The following GRID2 variants were observed in gnomAD, a reference collection of about 807,000 sequenced individuals.
The protein encoded by GRID2 is glutamate ionotropic receptor delta type subunit 2.
Under a neutral mutation model 114.8 loss-of-function variants are expected in GRID2, and 33 were observed. The observed-to-expected ratio is 0.29, with a 90% confidence interval of 0.22 to 0.38. GRID2 has a LOEUF of 0.38. GRID2 is among the 10% of genes least tolerant of loss of function. The probability of loss-of-function intolerance (pLI) is 1.00; values close to 1 mark genes in which losing one functional copy is unlikely to be tolerated. For synonymous variants in GRID2, 505 were observed against 449.9 expected, an observed-to-expected ratio of 1.12 and a Z score of -1.55; for missense variants, 1,184 against 1,257.7, an observed-to-expected ratio of 0.94 and a Z score of 0.89.
chr4:93,428,961 AG>A (rs1379871749), intron 10 of GRID2, among the ~76,000 whole-genome samples: 1 of 152,220 alleles, frequency 6.6e-6, no homozygotes, highest in East Asian at 1.9e-4. Flanking sequence ...AAAAGCAAAA[AG>A]AAAAAGTAAA....
intron 13 of GRID2, among the ~76,000 whole-genome samples, chr4:93,588,984 C>A (rs1737832314): frequency 6.6e-6 from 1 of 151,980 alleles, no homozygotes; most frequent in Non-Finnish European, 1.5e-5. Flanking sequence ...GAAGTCCTAG[C>A]TTTTCAGCGT....
chr4:92,883,223 C>G (rs910955415), intron 2 of GRID2, among the ~76,000 whole-genome samples: 1 of 152,178 alleles, frequency 6.6e-6, no homozygotes, highest in Non-Finnish European at 1.5e-5. Context: ...AAATCATTTT[C>G]TTTGCTCATC....
chr4:93,322,371 T>C (rs1029806828), intron 8 of GRID2, among the ~76,000 whole-genome samples: 2 of 152,180 alleles, frequency 1.3e-5, no homozygotes, highest in East Asian at 1.9e-4. Context: ...ACAAAGGACA[T>C]GAACTCATCA....
chr4:92,908,561 C>CAAAAAAAAAAAAAAAA (rs762037449), intron 2 of GRID2, among the ~76,000 whole-genome samples: 5 of 35,970 alleles, frequency 1.4e-4, no homozygotes, highest in African/African-American at 4.4e-4. Context: ...GACTCCATCT[C>CAAAAAAAAAAAAAAAA]AAAAAAAAAA....
chr4:92,918,953 A>G (rs1749060726), intron 2 of GRID2, among the ~76,000 whole-genome samples: 2 of 152,322 alleles, frequency 1.3e-5, no homozygotes, highest in Admixed American at 6.5e-5. Context: ...TACCTCTGGT[A>G]GAATTCAGCT....
At chr4:93,618,700 A>G (rs1242560012) in intron 13 of GRID2, among the ~76,000 whole-genome samples, 1 of 152,238 alleles carries the variant, frequency 6.6e-6, no homozygotes, top group African/African-American at 2.4e-5. Flanking sequence ...CTGTGAACCA[A>G]GCTTTCCTCA....
At chr4:93,627,596 G>A (rs975242885) in intron 14 of GRID2, among the ~76,000 whole-genome samples, 8 of 152,200 alleles carry the variant, frequency 5.3e-5, no homozygotes, top group Non-Finnish European at 1.2e-4. Flanking sequence ...ATTTGGTTGT[G>A]TTATGCTTCA....
At chr4:92,375,076 T>A (rs2110225622) in intron 1 of GRID2, among the ~76,000 whole-genome samples, 1 of 152,258 alleles carries the variant, frequency 6.6e-6, no homozygotes, top group East Asian at 1.9e-4. Flanking sequence ...TCCTTAGAGT[T>A]TTAAATGTGT....
intron 13 of GRID2, among the ~76,000 whole-genome samples, chr4:93,603,391 T>G (rs143794869): frequency 6.6e-6 from 1 of 152,040 alleles, no homozygotes; most frequent in African/African-American, 2.4e-5. Context: ...ATGAGAAACA[T>G]GAGAAAGCTG....
intron 1 of GRID2, among the ~76,000 whole-genome samples, chr4:92,387,784 T>C (rs1170363759): frequency 2.0e-5 from 3 of 152,042 alleles, no homozygotes; most frequent in Admixed American, 1.3e-4. Context: ...AAATTTCTTG[T>C]TATCTGTTTT....
chr4:92,687,374 T>A (rs1054622712), intron 2 of GRID2, among the ~76,000 whole-genome samples: 3 of 152,106 alleles, frequency 2.0e-5, no homozygotes, highest in African/African-American at 7.2e-5. Flanking sequence ...TATTGAAGAT[T>A]TGATTCCATA....
chr4:93,631,386 A>G (rs12641655), intron 14 of GRID2, among the ~76,000 whole-genome samples: 1 of 151,848 alleles, frequency 6.6e-6, no homozygotes, highest in African/African-American at 2.4e-5. Flanking sequence ...CTAGGACAGG[A>G]CCTGGTGTGT....
At chr4:92,772,766 A>G (rs1738603284) in intron 2 of GRID2, among the ~76,000 whole-genome samples, 1 of 152,202 alleles carries the variant, frequency 6.6e-6, no homozygotes, top group African/African-American at 2.4e-5. Flanking sequence ...ATGAAGGTTG[A>G]GAATTTATAG....
chr4:93,076,965 C>T (rs947554443), intron 2 of GRID2, among the ~76,000 whole-genome samples: 1 of 152,074 alleles, frequency 6.6e-6, no homozygotes, highest in Non-Finnish European at 1.5e-5. Flanking sequence ...TTAGTCTCTT[C>T]TAGTATGTAG....
chr4:92,916,490 C>A (rs1748803460), intron 2 of GRID2, among the ~76,000 whole-genome samples: 2 of 152,068 alleles, frequency 1.3e-5, no homozygotes, highest in Admixed American at 1.3e-4. Context: ...AGGTATATCT[C>A]CTAATGCTAT....
At chr4:93,160,926 A>G (rs1355592422) in intron 4 of GRID2, among the ~76,000 whole-genome samples, 2 of 151,812 alleles carry the variant, frequency 1.3e-5, no homozygotes, top group Admixed American at 6.6e-5. Flanking sequence ...CTACACCAGA[A>G]TGGTATTAAC....
chr4:92,703,454 G>A (rs1734781048), intron 2 of GRID2, among the ~76,000 whole-genome samples: 1 of 151,926 alleles, frequency 6.6e-6, no homozygotes, highest in South Asian at 2.1e-4. Flanking sequence ...TGAAGGAACT[G>A]CCTTTAAAGA....
At chr4:93,146,339 A>G (rs1315902618) in intron 4 of GRID2, among the ~76,000 whole-genome samples, 1 of 152,138 alleles carries the variant, frequency 6.6e-6, no homozygotes, top group Admixed American at 6.6e-5. Flanking sequence ...TTGAAAATAA[A>G]GTTAAGAGGG....
chr4:93,368,915 G>A (rs1471730026), intron 8 of GRID2, among the ~76,000 whole-genome samples: 1 of 152,170 alleles, frequency 6.6e-6, no homozygotes, highest in Non-Finnish European at 1.5e-5. Context: ...TAAAAAGAGA[G>A]AGAGAAAGTT....
Sources: allele counts gnomAD v4.1 joint callset (sites outside exome capture counted in the v4.1 genomes callset), GRCh38; gene constraint gnomAD v4.1.1; transcripts MANE v1.5; gene names NCBI Gene and HGNC (gene_info 2026-07-23, HGNC 2026-07-21).